The following C17orf113 variants were observed in gnomAD, a reference collection of about 807,000 sequenced individuals.
The protein encoded by C17orf113 is chromosome 17 open reading frame 113.
A neutral mutation model predicts 11.6 loss-of-function variants in C17orf113; 5 were observed. That is an observed-to-expected ratio of 0.43 (90% CI 0.23 to 0.91). C17orf113 has a LOEUF of 0.91. C17orf113 is among the 40% of genes least tolerant of loss of function. C17orf113 has a pLI of 0.26. For missense variants in C17orf113, 714 were observed against 841.3 expected (o/e 0.85, Z 1.87); for synonymous variants, 327 against 390.6 (o/e 0.84, Z 1.92).
chr17:42,038,240 T>G lies in C17orf113; in HGVS notation c.*1465A>C. 1 of 560,432 alleles carries G rather than the reference T, an allele frequency of 1.8e-6. No individual in the cohort carries two copies. The highest frequency in any genetic ancestry group is 3.1e-6 in the Non-Finnish European group (1 of 327,438). The allele number at this position is 560,432 out of a possible 1,614,324, so 34.7% of individuals were successfully genotyped here. On this transcript the variant is annotated 3_prime_UTR_variant, in exon 3 of 3. Coordinates refer to ENST00000587304, the MANE Select transcript of C17orf113 (RefSeq NM_001358661.2). ...CCACCATGGAGACTGCATGATGTGC[T>G]GGGATTCCATTTTATTGCAAATTAA...
Position 42,040,261 on chromosome 17 carries a change from C to T in C17orf113, c.1472G>A (p.Arg491Gln), listed in dbSNP as rs1463539168. 5 of 1,231,510 alleles carry T rather than the reference C, an allele frequency of 4.1e-6. No individual in the cohort carries two copies. The highest frequency in any genetic ancestry group is 5.1e-6 in the Non-Finnish European group (5 of 987,882). 76.3% of individuals were successfully genotyped at this position (1,231,510 alleles called of 1,614,324 possible). Reference protein sequence around the residue: ...EAAVRGLEWLRGSFLDSMRKG... With the variant: ...EAAVRGLEWLQGSFLDSMRKG... ...CCGCATGGAGTCCAGGAAGGATCCC[C>T]GGAGCCACTCCAAGCCCCGGACCGC... The change falls in exon 3 of 3, where the codon CGG becomes CAG. Residue 491 changes from arginine (R) to glutamine (Q), a missense_variant. Arg to Gln is a conservative substitution (Grantham distance 43). Around this residue, in one of 3 missense-constraint regions of C17orf113, gnomAD observed 516 missense variants for 626.6 expected, o/e 0.82. Transcript: ENST00000587304.
rs1555655696 is a variant in C17orf113 at position 42,038,276 on chromosome 17, AG to A, written c.*1428del. ...TTTATTGCAAATTAAACTCAAACCC[AG>A]GGGTATTAGGAAAAGGCTAGCCCTC... is the stretch of plus-strand genomic sequence containing the variant. On this transcript the variant is annotated 3_prime_UTR_variant, in exon 3 of 3. Coordinates refer to ENST00000587304, the MANE Select transcript of C17orf113 (RefSeq NM_001358661.2). 2 of 542,954 alleles carry A rather than the reference AG, an allele frequency of 3.7e-6. No individual in the cohort carries two copies. Among genetic ancestry groups the A allele is most frequent in the East Asian group, 3.2e-5 (1 of 30,864 alleles). 33.6% of individuals were successfully genotyped at this position (542,954 alleles called of 1,614,324 possible).
chr17:42,044,727 C>T (rs1406674674), intron 1 of C17orf113, among the ~76,000 whole-genome samples: 1 of 152,086 alleles, frequency 6.6e-6, no homozygotes, highest in Non-Finnish European at 1.5e-5. Context: ...GGTGAACACA[C>T]ACTCACACTC....
At position 42,043,550 on chromosome 17, in the gene C17orf113, C is replaced by A; in HGVS notation, c.-174G>T. 2 of 452,448 alleles carry A rather than the reference C, an allele frequency of 4.4e-6. No individual in the cohort carries two copies. Among genetic ancestry groups the A allele is most frequent in the Non-Finnish European group, 7.2e-6 (2 of 277,038 alleles). The allele number at this position is 452,448 out of a possible 1,614,324, so 28.0% of individuals were successfully genotyped here. On this transcript the variant is annotated 5_prime_UTR_variant, in exon 2 of 3. An upstream open reading frame in the 5' UTR gains an earlier in-frame stop. Transcript: ENST00000587304. ...TAAGCCTGGAGAGTTTATTCCTGCT[C>A]TGCCGGTGGGAGACTGGAGATGAAA...
chr17:42,039,475 T>C lies in C17orf113; in HGVS notation c.*230A>G, dbSNP rs1047909557. ...CAGGAATGATTTAGGGTACCCCAGA[T>C]CCTAGCATCTCTGCCCACCCGCCCA... On this transcript the variant is annotated 3_prime_UTR_variant, in exon 3 of 3. Coordinates refer to ENST00000587304, the MANE Select transcript of C17orf113 (RefSeq NM_001358661.2). 3.6e-5 allele frequency: 14 copies of C among 391,646 alleles called. No homozygotes were observed. Among genetic ancestry groups the C allele is most frequent in the African/African-American group, 6.2e-5 (3 of 48,482 alleles). The allele number at this position is 391,646 out of a possible 1,614,324, so 24.3% of individuals were successfully genotyped here.
intron 1 of C17orf113, among the ~76,000 whole-genome samples, chr17:42,044,608 C>T (rs1362994837): frequency 4.0e-5 from 6 of 150,918 alleles, no homozygotes; most frequent in Non-Finnish European, 5.9e-5. Flanking sequence ...AAGAGCAAAA[C>T]TCTGTCTCAA....
chr17:42,048,891 G>A (rs970760650), intron 1 of C17orf113, among the ~76,000 whole-genome samples: 5 of 150,766 alleles, frequency 3.3e-5, no homozygotes, highest in African/African-American at 4.9e-5. Context: ...TTAGTGAGCC[G>A]AGATCATGCC....
rs1458639239 is a variant in C17orf113 at position 42,040,052 on chromosome 17, A to T, written c.1681T>A (p.Phe561Ile). ...AVVRQRALGD[F>I]ALFKRVVFGL... ...AATACTACGCGCTTAAACAGCGCGAAGTCGCCCAGCGCCCGCTGGCGCACC... is the reference window on the plus strand; with the variant it reads ...AATACTACGCGCTTAAACAGCGCGATGTCGCCCAGCGCCCGCTGGCGCACC... The change falls in exon 3 of 3, where the codon TTC becomes ATC. Residue 561 changes from phenylalanine (F) to isoleucine (I), a missense_variant. Phe to Ile is a conservative substitution (Grantham distance 21, BLOSUM62 0). Around this residue, in one of 3 missense-constraint regions of C17orf113, gnomAD observed 194 missense variants for 197.2 expected, o/e 0.98. Transcript: ENST00000587304. The T allele has an allele frequency of 3.2e-6, 4 of 1,231,162 alleles. No individual in the cohort carries two copies. The highest frequency in any genetic ancestry group is 2.0e-6 in the Non-Finnish European group (2 of 987,534). 76.3% of individuals were successfully genotyped at this position (1,231,162 alleles called of 1,614,324 possible). A position where few individuals can be genotyped will look rare whatever the true frequency, so the allele number is the denominator to read the frequency against.
In C17orf113 at chr17:42,040,486, A is replaced by AGGGAGAGCTTCTGCACAGAG; in HGVS notation, c.1227_1246dup (p.Leu416ProfsTer24). 8.1e-7 allele frequency: 1 copy of AGGGAGAGCTTCTGCACAGAG among 1,232,400 alleles called. No homozygotes were observed. The highest frequency in any genetic ancestry group is 1.0e-6 in the Non-Finnish European group (1 of 988,150). The allele number at this position is 1,232,400 out of a possible 1,614,324, so 76.3% of individuals were successfully genotyped here. ...GTCCGGCTCTTCTGCCTGCAGGACA[A>AGGGAGAGCTTCTGCACAGAG]GGGAGAGCTTCTGCACAGAGGGCAG... On this transcript the variant is annotated frameshift_variant, in exon 3 of 3. Transcript: ENST00000587304. LOFTEE classifies it low-confidence loss of function (END_TRUNC).
rs868957190 is a variant in C17orf113 at position 42,041,341 on chromosome 17, C to G, written c.544-152G>C. Among the ~76,000 whole-genome samples the G allele has an allele frequency of 1.3e-5, 2 of 152,288 alleles. 1 individual carries two copies. Among genetic ancestry groups the G allele is most frequent in the Middle Eastern group, 6.8e-3 (2 of 294 alleles). ...CTGGCTTTGCCACTTACTGGCTGTG[C>G]TACCTTCGGCCAGTCACTTCACCTC... On this transcript the variant is annotated intron_variant, in intron 2 of 2. Coordinates refer to ENST00000587304, the MANE Select transcript of C17orf113 (RefSeq NM_001358661.2).
chr17:42,042,017 A>G (rs1555656173), intron 2 of C17orf113, among the ~76,000 whole-genome samples: 1 of 152,214 alleles, frequency 6.6e-6, no homozygotes, highest in Non-Finnish European at 1.5e-5. Flanking sequence ...AAGTTGAAAC[A>G]CATTCGAGTT....
intron 1 of C17orf113, among the ~76,000 whole-genome samples, chr17:42,047,874 C>T (rs557082434): frequency 1.3e-3 from 203 of 151,472 alleles, no homozygotes; most frequent in Non-Finnish European, 1.7e-3. Context: ...AGGCTGGTCT[C>T]GAACTCCTGA....
chr17:42,040,164 G>A lies in C17orf113; in HGVS notation c.1569C>T (p.Pro523=). 1.6e-6 allele frequency: 2 copies of A among 1,231,584 alleles called. No homozygotes were observed. Among genetic ancestry groups the A allele is most frequent in the Non-Finnish European group, 2.0e-6 (2 of 987,844 alleles). The allele number at this position is 1,231,584 out of a possible 1,614,324, so 76.3% of individuals were successfully genotyped here. A position where few individuals can be genotyped will look rare whatever the true frequency, so the allele number is the denominator to read the frequency against. ...CCTCCGGCGCCTGCGGGTAGCGTCG[G>A]GGGTCGAAGATCGCTGCGAAGGCGG... ...AVAAFAAIFD[P]RRYPQAPEEL... The change falls in exon 3 of 3, where the codon CCC becomes CCT. Residue 523 remains proline, a synonymous_variant. Coordinates refer to ENST00000587304, the MANE Select transcript of C17orf113 (RefSeq NM_001358661.2).
chr17:42,040,577 C>T lies in C17orf113; in HGVS notation c.1156G>A (p.Gly386Arg). 1 of 1,232,720 alleles carries T rather than the reference C, an allele frequency of 8.1e-7. No homozygotes were observed. Among genetic ancestry groups the T allele is most frequent in the Non-Finnish European group, 1.0e-6 (1 of 988,434 alleles). 76.4% of individuals were successfully genotyped at this position (1,232,720 alleles called of 1,614,324 possible). ...TGGCGCAGGGCCAGGGCCAGTGACCCCGCCACAGGTGAGGCAAGGGCTGCA... is the reference window on the plus strand; with the variant it reads ...TGGCGCAGGGCCAGGGCCAGTGACCTCGCCACAGGTGAGGCAAGGGCTGCA... ...EAAALASPVAGSLALALRQFT... is the reference protein window; with the variant it reads ...EAAALASPVARSLALALRQFT... The change falls in exon 3 of 3, where the codon GGG becomes AGG. Residue 386 changes from glycine (G) to arginine (R), a missense_variant. This residue lies in a region of C17orf113 where 516 missense variants were observed against 626.6 expected (regional missense o/e 0.82). Coordinates refer to ENST00000587304, the MANE Select transcript of C17orf113 (RefSeq NM_001358661.2).
At chr17:42,047,192 C>T (rs1191685934) in intron 1 of C17orf113, among the ~76,000 whole-genome samples, 3 of 152,160 alleles carry the variant, frequency 2.0e-5, no homozygotes, top group Admixed American at 6.5e-5. Context: ...CCACCATGCC[C>T]GGCTAATTTT....
intron 1 of C17orf113, among the ~76,000 whole-genome samples, chr17:42,046,422 G>C (rs1473597835): frequency 1.3e-5 from 2 of 151,968 alleles, no homozygotes; most frequent in African/African-American, 4.8e-5. Flanking sequence ...AGGAGACCTT[G>C]TCTTTACAAA....
chr17:42,039,904 C>G lies in C17orf113; in HGVS notation c.1829G>C (p.Gly610Ala). The G allele has an allele frequency of 4.1e-6, 5 of 1,231,368 alleles. No individual in the cohort carries two copies. The highest frequency in any genetic ancestry group is 5.1e-6 in the Non-Finnish European group (5 of 987,662). 76.3% of individuals were successfully genotyped at this position (1,231,368 alleles called of 1,614,324 possible). A position where few individuals can be genotyped will look rare whatever the true frequency, so the allele number is the denominator to read the frequency against. Residue 610 changes from glycine to alanine, a missense_variant, in exon 3 of 3, where the codon GGC (glycine) becomes GCC (alanine). Gly to Ala is a moderately conservative substitution (Grantham distance 60, BLOSUM62 0). This residue lies in a region of C17orf113 where 194 missense variants were observed against 197.2 expected (regional missense o/e 0.98). Transcript: ENST00000587304. Reference sequence around the variant, plus strand: ...GCCGACCTTGTCCAGCAGGCCAGCGCCCGCGGGCAGCGCCAAAGCCAAGGC... The same window carrying G: ...GCCGACCTTGTCCAGCAGGCCAGCGGCCGCGGGCAGCGCCAAAGCCAAGGC... The part of the protein sequence containing the change: ...LAALALALPA[G>A]AGLLDKVGRS...
intron 1 of C17orf113, among the ~76,000 whole-genome samples, chr17:42,047,330 C>A (rs1214429772): frequency 1.3e-5 from 2 of 151,994 alleles, no homozygotes; most frequent in Non-Finnish European, 2.9e-5. Context: ...CTGCGCCTGG[C>A]CCCGGCTAAT....
chr17:42,050,536 G>A lies in C17orf113; in HGVS notation c.-188+21C>T. On this transcript the variant is annotated intron_variant, in intron 1 of 2. Coordinates refer to ENST00000587304, the MANE Select transcript of C17orf113 (RefSeq NM_001358661.2). This position sits in a 1 kb window ranked among gnomAD's most constrained non-coding sequence, Gnocchi z 5.6. Reference sequence around the variant, plus strand: ...GCGTCCAGCCCGGCCTGGCGCCCCCGCCCCGTCCGCTCGCACTCACGGAGA... The same window carrying A: ...GCGTCCAGCCCGGCCTGGCGCCCCCACCCCGTCCGCTCGCACTCACGGAGA... The A allele has an allele frequency of 6.6e-6, 1 of 151,878 alleles. No individual in the cohort carries two copies. The allele number at this position is 151,878 out of a possible 1,614,324, so 9.4% of individuals were successfully genotyped here.
Sources: allele counts gnomAD v4.1 joint callset (sites outside exome capture counted in the v4.1 genomes callset), GRCh38; gene constraint gnomAD v4.1.1; regional missense constraint gnomAD v4.1.1; non-coding constraint Gnocchi (gnomAD v3.1); transcripts MANE v1.5; gene names NCBI Gene and HGNC (gene_info 2026-07-23, HGNC 2026-07-21).